SPAG16: variants seen among roughly 807,000 people sequenced by gnomAD.
SPAG16 encodes sperm associated antigen 16.
Under a neutral mutation model 80.4 loss-of-function variants are expected in SPAG16, and 86 were observed. That is an observed-to-expected ratio of 1.07 (90% CI 0.90 to 1.28). SPAG16 has a LOEUF of 1.28. Among genes scored for constraint, SPAG16 ranks in the 50% most tolerant of loss-of-function variants. The pLI, the probability that SPAG16 is intolerant of heterozygous loss-of-function variation, is 0.00. For synonymous variants in SPAG16, 294 were observed against 265.9 expected (o/e 1.11, Z -1.03); for missense variants, 870 against 765.3 (o/e 1.14, Z -1.61).
chr2:213,607,906 A>G (rs2061318993), intron 10 of SPAG16, among the ~76,000 whole-genome samples: 2 of 152,194 alleles, frequency 1.3e-5, no homozygotes, highest in Admixed American at 6.5e-5. Context: ...GCTAATAAGA[A>G]CCTTCCCTAC....
At chr2:214,119,344 A>G (rs563158736) in intron 14 of SPAG16, among the ~76,000 whole-genome samples, 1 of 152,302 alleles carries the variant, frequency 6.6e-6, no homozygotes, top group South Asian at 2.1e-4. Flanking sequence ...TTAAGGAACT[A>G]TAAAAGCTAC....
At chr2:213,828,602 A>G (rs1024281989) in intron 10 of SPAG16, among the ~76,000 whole-genome samples, 1 of 152,124 alleles carries the variant, frequency 6.6e-6, no homozygotes, top group Non-Finnish European at 1.5e-5. Flanking sequence ...GTGTCTGGGC[A>G]TTGAAGAGTT....
At chr2:214,320,151 A>G (rs1420669444) in intron 15 of SPAG16, among the ~76,000 whole-genome samples, 1 of 152,144 alleles carries the variant, frequency 6.6e-6, no homozygotes, top group Admixed American at 6.5e-5. Flanking sequence ...AAATTCTTCT[A>G]TCTAGCCACA....
chr2:213,474,858 C>T (rs893281176), intron 9 of SPAG16, among the ~76,000 whole-genome samples: 13 of 152,160 alleles, frequency 8.5e-5, no homozygotes, highest in Non-Finnish European at 1.9e-4. Flanking sequence ...TCCCAGCCCA[C>T]TGACTCAAAT....
chr2:214,391,928 G>A (rs1701102737), intron 15 of SPAG16, among the ~76,000 whole-genome samples: 1 of 152,080 alleles, frequency 6.6e-6, no homozygotes, highest in Non-Finnish European at 1.5e-5. Context: ...TAAATCAAAA[G>A]GGGCCCTGGA....
intron 13 of SPAG16, among the ~76,000 whole-genome samples, chr2:214,014,284 T>C (rs2047476657): frequency 6.6e-6 from 1 of 152,190 alleles, no homozygotes; most frequent in South Asian, 2.1e-4. Flanking sequence ...ATAATATGAT[T>C]ATCTCATTAA....
chr2:214,030,267 G>A (rs1301543904), intron 13 of SPAG16, among the ~76,000 whole-genome samples: 1 of 152,078 alleles, frequency 6.6e-6, no homozygotes, highest in Non-Finnish European at 1.5e-5. Flanking sequence ...TTAGCACAAT[G>A]TCTTCCAGGT....
At chr2:213,889,616 AAT>A (rs886307697) in intron 11 of SPAG16, among the ~76,000 whole-genome samples, 1 of 149,030 alleles carries the variant, frequency 6.7e-6, no homozygotes, top group Non-Finnish European at 1.5e-5. Flanking sequence ...ACACACACAA[AAT>A]ATATATATAC....
Position 214,204,880 on chromosome 2 carries a change from C to T in SPAG16, c.1720+55614C>T, listed in dbSNP as rs139079629. On this transcript the variant is annotated intron_variant, in intron 15 of 15. Transcript: ENST00000331683. The stretch of plus-strand genomic sequence containing the variant: ...AGATTTCAGAAAATCGATTATTAAG[C>T]TAATCCAAAAGGCACTAGAGGAAGG... Among the ~76,000 whole-genome samples, 494 of 152,170 alleles carry T rather than the reference C, an allele frequency of 3.2e-3. 1 individual carries two copies. Among genetic ancestry groups the T allele is most frequent in the Middle Eastern group, 0.014 (4 of 294 alleles).
At chr2:214,056,280 TACAC>T (rs60247479) in intron 13 of SPAG16, among the ~76,000 whole-genome samples, 15,423 of 144,508 alleles carry the variant, frequency 0.11, 922 homozygotes, top group East Asian at 0.27. Flanking sequence ...GTAGTAGAAA[TACAC>T]ACACACACAC....
intron 10 of SPAG16, among the ~76,000 whole-genome samples, chr2:213,651,835 G>T (rs1017296770): frequency 5.3e-5 from 8 of 152,054 alleles, no homozygotes; most frequent in Non-Finnish European, 5.9e-5. Context: ...TTTATAAATT[G>T]ACTTTCATTG....
intron 9 of SPAG16, among the ~76,000 whole-genome samples, chr2:213,384,539 A>G (rs1027710778): frequency 2.0e-5 from 3 of 152,152 alleles, no homozygotes; most frequent in African/African-American, 7.2e-5. Flanking sequence ...ACCCTGTGTC[A>G]ACAGTTTCAC....
rs978829762 is a variant in SPAG16 at position 213,536,123 on chromosome 2, T to G, written c.1070+46033T>G. On this transcript the variant is annotated intron_variant, in intron 10 of 15. Transcript: ENST00000331683. ...TCTATTTTGCCTCTTAAATTTTGAC[T>G]TAGTCTTTTGTATAGTTCACATTCT... 2.1e-4 allele frequency among the ~76,000 whole-genome samples: 32 copies of G among 152,142 alleles called. 1 individual carries two copies. Among genetic ancestry groups the G allele is most frequent in the Non-Finnish European group, 4.3e-4 (29 of 68,008 alleles).
chr2:213,739,866 T>G (rs1574997256), intron 10 of SPAG16, among the ~76,000 whole-genome samples: 1 of 152,220 alleles, frequency 6.6e-6, no homozygotes, highest in East Asian at 1.9e-4. Context: ...CCTCCCAAAG[T>G]GCTGGGACCA....
At chr2:214,301,121 A>T (rs1230248232) in intron 15 of SPAG16, among the ~76,000 whole-genome samples, 2 of 150,516 alleles carry the variant, frequency 1.3e-5, no homozygotes, top group Non-Finnish European at 3.0e-5. Flanking sequence ...TATCATGATC[A>T]CACGGGTTTT....
At chr2:213,744,300 A>G (rs1375624157) in intron 10 of SPAG16, among the ~76,000 whole-genome samples, 1 of 151,994 alleles carries the variant, frequency 6.6e-6, no homozygotes, top group Non-Finnish European at 1.5e-5. Flanking sequence ...TATAATTGAG[A>G]ATCTCCTCCT....
At chr2:213,882,848 TG>T (rs75811081) in intron 11 of SPAG16, among the ~76,000 whole-genome samples, 52,011 of 151,978 alleles carry the variant, frequency 0.34, 9,359 homozygotes, top group South Asian at 0.47. Flanking sequence ...TGTGGTTGGT[TG>T]TTTCTTTGTT....
chr2:214,237,388 A>G (rs1454962028), intron 15 of SPAG16, among the ~76,000 whole-genome samples: 1 of 152,082 alleles, frequency 6.6e-6, no homozygotes, highest in Non-Finnish European at 1.5e-5. Context: ...GATAATTACC[A>G]TACATGTAAT....
At chr2:213,543,336 C>T (rs181134552) in intron 10 of SPAG16, among the ~76,000 whole-genome samples, 3 of 151,476 alleles carry the variant, frequency 2.0e-5, no homozygotes. Flanking sequence ...TATATTGATC[C>T]CTTGTCAGTT....
Sources: gnomAD v4.1 joint callset for allele counts (sites outside exome capture counted in the v4.1 genomes callset) on GRCh38, gnomAD v4.1.1 for gene constraint, MANE v1.5 for transcripts, NCBI Gene and HGNC (gene_info 2026-07-23, HGNC 2026-07-21) for gene names.